The following TACC2 variants were observed in gnomAD, a reference collection of about 807,000 sequenced individuals.
TACC2 encodes the protein transforming acidic coiled-coil-containing protein 2.
TACC2 carries 137 observed loss-of-function variants against 227.3 expected under a neutral mutation model. That is an observed-to-expected ratio of 0.60 (90% CI 0.52 to 0.69). TACC2 has a LOEUF of 0.69. Among genes scored for constraint, TACC2 ranks in the 30% least tolerant of loss-of-function variants. TACC2 has a pLI of 0.00. For missense variants in TACC2, 3,470 were observed against 3,694.4 expected, an observed-to-expected ratio of 0.94 and a Z score of 1.57; for synonymous variants, 1,523 against 1,487.5, an observed-to-expected ratio of 1.02 and a Z score of -0.55.
intron 20 of TACC2, 91 bp downstream of exon 20, chr10:122,248,894 T>C (rs983783992): frequency 1.0e-5 from 16 of 1,571,588 alleles, no homozygotes; most frequent in African/African-American, 1.4e-5. Context: ...CAGAAGTTGG[T>C]CTTGAGCCAC....
chr10:122,173,068 C>A (rs1231657076), intron 7 of TACC2, among the ~76,000 whole-genome samples: 3 of 152,130 alleles, frequency 2.0e-5, no homozygotes, highest in African/African-American at 7.2e-5. Flanking sequence ...TAGAAAAAAA[C>A]CAATTCAAAC....
chr10:122,171,050 T>TAGGGGCCG (rs1555098737), intron 7 of TACC2, among the ~76,000 whole-genome samples: 3 of 152,134 alleles, frequency 2.0e-5, no homozygotes, highest in African/African-American at 4.8e-5. Context: ...AGCAATAGAT[T>TAGGGGCCG]TCCTTTGTTC....
intron 3 of TACC2, among the ~76,000 whole-genome samples, chr10:122,057,812 G>A (rs2076363270): frequency 6.6e-6 from 1 of 152,066 alleles, no homozygotes; most frequent in Non-Finnish European, 1.5e-5. Flanking sequence ...GACAGCAAGA[G>A]TGAAACTCCG....
intron 1 of TACC2, among the ~76,000 whole-genome samples, chr10:122,002,104 G>A (rs1954440464): frequency 6.6e-6 from 1 of 152,154 alleles, no homozygotes; most frequent in Non-Finnish European, 1.5e-5. Flanking sequence ...CCCTAGTGAG[G>A]ATCATCTTCT....
rs758261492 is a variant in TACC2 at position 122,210,369 on chromosome 10, A to G, written c.5972-28A>G. 2 of 1,566,968 alleles carry G rather than the reference A, an allele frequency of 1.3e-6. No homozygotes were observed. The highest frequency in any genetic ancestry group is 1.8e-6 in the Non-Finnish European group (2 of 1,137,526). On this transcript the variant is annotated intron_variant, in intron 8 of 22. Transcript: ENST00000369005. This position sits in a 1 kb window ranked among gnomAD's most constrained non-coding sequence, Gnocchi z 4.6. Reference sequence around the variant, plus strand: ...TGCCCCAATGCGTCCTGTGTCTGTAATTGATGGCGTTGTCTGTGTTTCCCC... The same window carrying G: ...TGCCCCAATGCGTCCTGTGTCTGTAGTTGATGGCGTTGTCTGTGTTTCCCC...
intron 7 of TACC2, among the ~76,000 whole-genome samples, chr10:122,152,895 G>A (rs1023306616): frequency 1.3e-5 from 2 of 152,204 alleles, no homozygotes; most frequent in African/African-American, 4.8e-5. Context: ...GCATCACAGA[G>A]TGGCTCTAGT....
intron 11 of TACC2, among the ~76,000 whole-genome samples, chr10:122,217,437 C>CTTTTTTTTTTTTTTTT (rs35233150): frequency 5.3e-4 from 49 of 93,234 alleles, no homozygotes; most frequent in South Asian, 9.6e-4. Context: ...TTTCTTTTTT[C>CTTTTTTTTTTTTTTTT]TTTTTTTTTT....
At position 122,237,450 on chromosome 10, in the gene TACC2, G is replaced by A. The variant is rs759597676; in HGVS notation, c.8183G>A (p.Arg2728His). 3.7e-6 allele frequency: 6 copies of A among 1,613,890 alleles called. No homozygotes were observed. The highest frequency in any genetic ancestry group is 1.7e-5 in the Admixed American group (1 of 60,010). The change falls in exon 17 of 23, where the codon CGC becomes CAC. Residue 2728 changes from arginine (R) to histidine (H), a missense_variant. Transcript: ENST00000369005. ...ATCTCCAAAACAGCCTTGTACTCCC[G>A]CATCGGGACCGCTGAGGTGGAGAAA... ...VSISKTALYS[R>H]IGTAEVEKPA... is the part of the protein sequence containing the mutation.
chr10:122,002,288 A>G (rs1209001638), intron 1 of TACC2, among the ~76,000 whole-genome samples: 1 of 152,214 alleles, frequency 6.6e-6, no homozygotes, highest in African/African-American at 2.4e-5. Flanking sequence ...TTAGATTTCA[A>G]CATATGAATT....
intron 6 of TACC2, among the ~76,000 whole-genome samples, chr10:122,134,382 T>C (rs894990482): frequency 1.3e-5 from 2 of 152,114 alleles, no homozygotes; most frequent in Non-Finnish European, 2.9e-5. Context: ...TTTGCCATGT[T>C]GGCCAGGCTG....
chr10:122,058,468 G>A (rs1436427643), intron 3 of TACC2, among the ~76,000 whole-genome samples: 2 of 152,162 alleles, frequency 1.3e-5, no homozygotes, highest in African/African-American at 4.8e-5. Context: ...GAGTGCAGTG[G>A]CGCGATCTTG....
At chr10:122,201,555 G>A (rs2094852349) in intron 8 of TACC2, among the ~76,000 whole-genome samples, 1 of 152,254 alleles carries the variant, frequency 6.6e-6, no homozygotes, top group Non-Finnish European at 1.5e-5. Flanking sequence ...CACCTTGGAT[G>A]GAGACACCAC....
intron 2 of TACC2, among the ~76,000 whole-genome samples, chr10:122,042,077 C>T (rs1002945928): frequency 5.9e-5 from 9 of 152,152 alleles, no homozygotes; most frequent in African/African-American, 1.7e-4. Flanking sequence ...TCCCGAGTAG[C>T]TGGGACCACA....
rs878963373 is a variant in TACC2, at chr10:122,210,241, G to T, written c.5972-156G>T. On this transcript the variant is annotated intron_variant, in intron 8 of 22. Coordinates refer to ENST00000369005, the MANE Select transcript of TACC2 (RefSeq NM_206862.4). The surrounding 1 kb of genome is among the most constrained non-coding windows in gnomAD (Gnocchi z 4.6). ...CTTGAGCTAATTACGGGTAGGTCAG[G>T]TTCTGTACCCAAGTAGTACACACAG... is the stretch of plus-strand genomic sequence containing the variant. 14 of 659,552 alleles carry T rather than the reference G, an allele frequency of 2.1e-5. No homozygotes were observed. Among genetic ancestry groups the T allele is most frequent in the Non-Finnish European group, 3.6e-5 (13 of 364,906 alleles). 40.9% of individuals were successfully genotyped at this position (659,552 alleles called of 1,614,324 possible). A position where few individuals can be genotyped will look rare whatever the true frequency, so the allele number is the denominator to read the frequency against.
chr10:122,033,981 G>A (rs537280279), intron 2 of TACC2, among the ~76,000 whole-genome samples: 4 of 152,054 alleles, frequency 2.6e-5, no homozygotes, highest in African/African-American at 4.8e-5. Context: ...GTAAAACCCC[G>A]TCTCTACTAA....
rs757836508 is a variant in TACC2, at chr10:122,083,991, G to A, written c.1491G>A (p.Arg497=). The A allele has an allele frequency of 3.7e-6, 6 of 1,613,906 alleles. No homozygotes were observed. In the Admixed American group the frequency reaches 5.0e-5, roughly 13 times the overall value. ...TTCCTGCCCCATCACCCCAGGAGAG[G>A]GGAGAGCACTTGAACACGGAGCAAA... is the stretch of plus-strand genomic sequence containing the variant. ...GEVPAPSPQE[R]GEHLNTEQSH... The change falls in exon 4 of 23, where the codon AGG becomes AGA. Residue 497 remains arginine, a synonymous_variant. Coordinates refer to ENST00000369005, the MANE Select transcript of TACC2 (RefSeq NM_206862.4).
intron 7 of TACC2, among the ~76,000 whole-genome samples, chr10:122,167,207 C>T (rs1200083870): frequency 3.9e-5 from 6 of 152,210 alleles, no homozygotes; most frequent in Admixed American, 2.6e-4. Flanking sequence ...AAAGTGAGCA[C>T]GTGCCCTTGG....
chr10:121,993,806 C>T (rs975594899), intron 1 of TACC2, among the ~76,000 whole-genome samples: 2 of 151,944 alleles, frequency 1.3e-5, no homozygotes, highest in Admixed American at 1.3e-4. Flanking sequence ...TTTTGTTGTA[C>T]TTTTAGTAGA....
In TACC2 at chr10:122,248,765, T is replaced by C. The variant is rs747065222; in HGVS notation, c.8515T>C (p.Tyr2839His). ...EKSLADLFRR[Y>H]EKMKEVLEGF... ...GTCTCTGGCCGACCTCTTCAGAAGA[T>C]ATGAGAAGATGAAGGAGGTCCTAGA... The change falls in exon 20 of 23, where the codon TAT (tyrosine) becomes CAT (histidine). Residue 2839 changes from tyrosine (Y) to histidine (H), a missense_variant. Coordinates refer to ENST00000369005, the MANE Select transcript of TACC2 (RefSeq NM_206862.4). 22 of 1,613,940 alleles carry C rather than the reference T, an allele frequency of 1.4e-5. No individual in the cohort carries two copies. Among genetic ancestry groups the C allele is most frequent in the Non-Finnish European group, 1.8e-5 (21 of 1,180,026 alleles).
Sources: allele counts gnomAD v4.1 joint callset (sites outside exome capture counted in the v4.1 genomes callset), GRCh38; gene constraint gnomAD v4.1.1; non-coding constraint Gnocchi (gnomAD v3.1); transcripts MANE v1.5; gene names NCBI Gene and HGNC (gene_info 2026-07-23, HGNC 2026-07-21).